The following WNK3 variants were observed in gnomAD, a reference collection of about 807,000 sequenced individuals.
WNK3 encodes the protein serine/threonine-protein kinase WNK3.
A neutral mutation model predicts 116.7 loss-of-function variants in WNK3; 18 were observed. The ratio of observed to expected loss-of-function variants is 0.15; its 90% confidence interval spans 0.11 to 0.23. The LOEUF (loss-of-function observed/expected upper bound fraction) is 0.23, where lower values mean the gene tolerates loss of function less well. Among genes scored for constraint, WNK3 ranks in the 10% least tolerant of loss-of-function variants. The pLI, the probability that WNK3 is intolerant of heterozygous loss-of-function variation, is 1.00. For missense variants in WNK3, 993 were observed against 1,323.8 expected (o/e 0.75, Z 3.88); for synonymous variants, 404 against 469.4 (o/e 0.86, Z 1.80).
intron 10 of WNK3, among the ~76,000 whole-genome samples, chrX:54,286,632 G>T (rs1386679777): frequency 9.0e-6 from 1 of 111,043 alleles, no homozygotes; most frequent in East Asian, 2.8e-4. Context: ...TCAATCAAGG[G>T]CTGGGCATGG....
At chrX:54,314,191 TCAAAAAAAAAAA>T (rs1390685939) in intron 2 of WNK3, among the ~76,000 whole-genome samples, 1 of 78,405 alleles carries the variant, frequency 1.3e-5, no homozygotes, top group Non-Finnish European at 2.3e-5. Flanking sequence ...AGACTCTGTC[TCAAAAAAAAAAA>T]CAAAAAAAAA....
exon 14 of WNK3, chrX:54,251,554 G>A: frequency 8.3e-7 from 1 of 1,210,973 alleles, no homozygotes; most frequent in Non-Finnish European, 1.1e-6. Flanking sequence ...GGAGTCCACA[G>A]TAATAGAATC....
intron 10 of WNK3, among the ~76,000 whole-genome samples, chrX:54,288,591 A>C (rs1557164419): frequency 9.0e-6 from 1 of 111,319 alleles, no homozygotes; most frequent in Non-Finnish European, 1.9e-5. Context: ...CTGCTGAATG[A>C]AGGACATCTG....
intron 1 of WNK3, among the ~76,000 whole-genome samples, chrX:54,345,868 T>C (rs1473967766): frequency 9.1e-6 from 1 of 109,355 alleles, no homozygotes; most frequent in African/African-American, 3.3e-5. Flanking sequence ...ATCATCTCTA[T>C]CTTGAGGTTC....
intron 22 of WNK3, among the ~76,000 whole-genome samples, chrX:54,218,943 A>G (rs1557145986): frequency 8.9e-6 from 1 of 111,877 alleles, no homozygotes; most frequent in African/African-American, 3.2e-5. Context: ...TAGATAAAAT[A>G]AAAAATAAAA....
At position 54,317,922 on chromosome X, in the gene WNK3, G is replaced by A. The variant is rs191696242; in HGVS notation, c.538-6631C>T. On this transcript the variant is annotated intron_variant, in intron 2 of 23. Coordinates refer to ENST00000354646, the Ensembl canonical transcript of WNK3. The stretch of plus-strand genomic sequence containing the variant: ...GCTGGGATTATAGGCGTGAGCCACC[G>A]CGCCCAGCCAGGGGAAGTTAAATTG... Among the ~76,000 whole-genome samples, 934 of 110,085 alleles carry A rather than the reference G, an allele frequency of 8.5e-3. 13 individuals carry two copies. The highest frequency in any genetic ancestry group is 0.03 in the African/African-American group (917 of 30,373).
exon 2 of WNK3, chrX:54,333,624 G>A: frequency 8.3e-7 from 1 of 1,203,947 alleles, no homozygotes; most frequent in Non-Finnish European, 1.1e-6. Context: ...AATTCCATCA[G>A]GTTTCTCAGA....
intron 10 of WNK3, among the ~76,000 whole-genome samples, chrX:54,291,550 C>T (rs1057002830): frequency 8.9e-6 from 1 of 111,841 alleles, no homozygotes; most frequent in Admixed American, 9.6e-5. Context: ...ATTCAACACA[C>T]TTTGCATTAT....
At chrX:54,301,734 T>C (rs1399593513) in intron 6 of WNK3, 37 bp downstream of exon 6, 8 of 1,127,981 alleles carry the variant, frequency 7.1e-6, no homozygotes, top group Non-Finnish European at 8.5e-6. Context: ...GAAAAATGCA[T>C]CTTTCAGTTA....
exon 24 of WNK3, chrX:54,198,276 G>C: frequency 9.6e-7 from 1 of 1,045,216 alleles, no homozygotes; most frequent in East Asian, 3.2e-5. Flanking sequence ...TGGGTGTCCT[G>C]AAAATAATTC....
chrX:54,193,913 T>C (rs1355175807), exon 24 of WNK3: 1 of 111,196 alleles, frequency 9.0e-6, no homozygotes, highest in Non-Finnish European at 1.9e-5. Flanking sequence ...CTTGATAAAC[T>C]ACAGATTCAA....
chrX:54,220,130 A>T (rs1236354762), intron 22 of WNK3, among the ~76,000 whole-genome samples: 1 of 112,241 alleles, frequency 8.9e-6, no homozygotes. Context: ...TGTAAAAAAG[A>T]TTTGAAAAAT....
intron 10 of WNK3, among the ~76,000 whole-genome samples, chrX:54,291,088 C>T (rs782581878): frequency 4.5e-5 from 5 of 110,837 alleles, no homozygotes; most frequent in East Asian, 2.8e-4. Flanking sequence ...CCGAGGCGGG[C>T]GGATCACGAG....
At chrX:54,255,942 GA>G (rs2068188149) in intron 11 of WNK3, 55 bp from the exon 12 acceptor site, 6 of 971,165 alleles carry the variant, frequency 6.2e-6, no homozygotes, top group Non-Finnish European at 8.4e-6. Context: ...AAAATTCTAA[GA>G]AAAACTCCCA....
chrX:54,351,144 A>C (rs946811737), intron 1 of WNK3, among the ~76,000 whole-genome samples: 1 of 111,723 alleles, frequency 9.0e-6, no homozygotes, highest in Non-Finnish European at 1.9e-5. Flanking sequence ...TGTATCAATC[A>C]AAAAGAATGA....
In WNK3 at chrX:54,333,497, GA is replaced by G. The variant is rs2069196772; in HGVS notation, c.176del (p.Phe59SerfsTer7). The G allele has an allele frequency of 8.3e-7, 1 of 1,211,374 alleles. No homozygotes were observed. Among genetic ancestry groups the G allele is most frequent in the Non-Finnish European group, 1.1e-6 (1 of 895,275 alleles). The stretch of plus-strand genomic sequence containing the variant: ...CTTCCGTCATTTCAACACTCTTTCG[GA>G]AAAATCTCTTCCTTTCTACAGTTTC... On this transcript the variant is annotated frameshift_variant, in exon 2 of 24. Coordinates refer to ENST00000354646, the Ensembl canonical transcript of WNK3. LOFTEE classifies it high-confidence loss of function.
At chrX:54,350,878 T>C (rs920321985) in intron 1 of WNK3, among the ~76,000 whole-genome samples, 1 of 111,353 alleles carries the variant, frequency 9.0e-6, no homozygotes, top group African/African-American at 3.3e-5. Flanking sequence ...TAAGCATCTG[T>C]TTAAAAAATG....
chrX:54,303,450 A>T (rs2068790071), intron 5 of WNK3, among the ~76,000 whole-genome samples: 1 of 111,630 alleles, frequency 9.0e-6, no homozygotes. Context: ...AGCTGGAAGC[A>T]GAAAGGTACA....
intron 15 of WNK3, 88 bp downstream of exon 15, chrX:54,251,311 C>G (rs782734939): frequency 1.6e-6 from 1 of 616,681 alleles, no homozygotes; most frequent in East Asian, 3.6e-5. Context: ...AATTTATTGG[C>G]TAACATCTTT....
Sources: allele counts gnomAD v4.1 joint callset (sites outside exome capture counted in the v4.1 genomes callset), GRCh38; gene constraint gnomAD v4.1.1; transcripts MANE v1.5; gene names NCBI Gene and HGNC (gene_info 2026-07-23, HGNC 2026-07-21).